The following INSR variants were observed in gnomAD, a reference collection of about 807,000 sequenced individuals.
INSR encodes insulin receptor, also known as IR.
A neutral mutation model predicts 142.6 loss-of-function variants in INSR; 67 were observed. The observed-to-expected ratio is 0.47, with a 90% CI of 0.39 to 0.58. The LOEUF is 0.58. Ranked by LOEUF, INSR falls within the 20% of genes least tolerant of loss-of-function variation. INSR has a pLI of 0.00. For missense variants in INSR, 1,248 were observed against 1,833.2 expected (o/e 0.68, Z 5.83); for synonymous variants, 756 against 743.1 (o/e 1.02, Z -0.28).
At position 7,184,644 on chromosome 19, in the gene INSR, AG is replaced by A; in HGVS notation, c.653-8del. ...TTACAGATGGTCGGGCAAACTGGAG[AG>A]AGAGAGAGAGAGAGAGGGAAATAAA... On this transcript the variant is annotated splice_region_variant and splice_polypyrimidine_tract_variant and intron_variant, in intron 2 of 21. Coordinates refer to ENST00000302850, the MANE Select transcript of INSR (RefSeq NM_000208.4). 7.5e-7 allele frequency: 1 copy of A among 1,332,166 alleles called. No individual in the cohort carries two copies. Among genetic ancestry groups the A allele is most frequent in the Non-Finnish European group, 1.0e-6 (1 of 970,496 alleles). The allele number at this position is 1,332,166 out of a possible 1,614,324, so 82.5% of individuals were successfully genotyped here. A position where few individuals can be genotyped will look rare whatever the true frequency, so the allele number is the denominator to read the frequency against.
Position 7,184,619 on chromosome 19 carries a change from T to G in INSR, c.671A>C (p.Lys224Thr), listed in dbSNP as rs1198294062. Residue 224 changes from lysine (K) to threonine (T), a missense_variant, in exon 3 of 22, where the codon AAG (lysine) becomes ACG (threonine). This residue lies in a region of INSR where 1,069 missense variants were observed against 1,654.0 expected (regional missense o/e 0.65). Coordinates refer to ENST00000302850, the MANE Select transcript of INSR (RefSeq NM_000208.4). ...HCQKVCPTIC[K>T]SHGCTAEGLC... ...GCCTTCGGCGGTGCAGCCGTGTGACTTACAGATGGTCGGGCAAACTGGAGA... is the reference window on the plus strand; with the variant it reads ...GCCTTCGGCGGTGCAGCCGTGTGACGTACAGATGGTCGGGCAAACTGGAGA... 6.2e-7 allele frequency: 1 copy of G among 1,609,420 alleles called. No individual in the cohort carries two copies. Among genetic ancestry groups the G allele is most frequent in the Non-Finnish European group, 8.5e-7 (1 of 1,179,290 alleles).
At position 7,229,760 on chromosome 19, in the gene INSR, C is replaced by CTT. The variant is rs71177180; in HGVS notation, c.652+37583_652+37584dup. ...TTACTCTGGAGGATACATTTACAGT[C>CTT]TTTTTTTTTTTTTTTTTTTTTTTGA... is the stretch of plus-strand genomic sequence containing the variant. On this transcript the variant is annotated intron_variant, in intron 2 of 21. Transcript: ENST00000302850. Among the ~76,000 whole-genome samples, 583 of 87,436 alleles carry CTT rather than the reference C, an allele frequency of 6.7e-3. 4 individuals are homozygous for CTT. Among genetic ancestry groups the CTT allele is most frequent in the African/African-American group, 9.3e-3 (202 of 21,736 alleles). 57.4% of individuals were successfully genotyped at this position (87,436 alleles called of 152,430 possible). A position where few individuals can be genotyped will look rare whatever the true frequency, so the allele number is the denominator to read the frequency against.
At chr19:7,284,845 T>C (rs1258735046) in intron 1 of INSR, among the ~76,000 whole-genome samples, 1 of 152,148 alleles carries the variant, frequency 6.6e-6, no homozygotes, top group Non-Finnish European at 1.5e-5. Flanking sequence ...TAATCCTCAG[T>C]GTGCAGATTG....
intron 13 of INSR, among the ~76,000 whole-genome samples, chr19:7,135,854 G>A (rs941662564): frequency 6.6e-6 from 1 of 151,594 alleles, no homozygotes; most frequent in Non-Finnish European, 1.5e-5. Flanking sequence ...TGTAGTCCCA[G>A]ATACTCAAGA....
chr19:7,183,761 G>A (rs1974336934), intron 3 of INSR, among the ~76,000 whole-genome samples: 1 of 152,040 alleles, frequency 6.6e-6, no homozygotes, highest in Non-Finnish European at 1.5e-5. Context: ...GCTTAGAACT[G>A]AGGTCCACAA....
At chr19:7,210,320 G>C (rs374831509) in intron 2 of INSR, among the ~76,000 whole-genome samples, 8 of 139,300 alleles carry the variant, frequency 5.7e-5, no homozygotes, top group Middle Eastern at 3.6e-3. Context: ...ACTGCAGCCT[G>C]GTCAACAGAG....
chr19:7,184,396 C>T lies in INSR; in HGVS notation c.894G>A (p.Arg298=), dbSNP rs757999365. Residue 298 remains arginine (R), a synonymous_variant, in exon 3 of 22, where the codon AGG becomes AGA. Coordinates refer to ENST00000302850, the MANE Select transcript of INSR (RefSeq NM_000208.4). ...DLHHKCKNSR[R]QGCHQYVIHN... ...GAATGACGTACTGGTGGCAGCCCTG[C>T]CTCCGCGAGTTCTTGCATTTGTGGT... 61 of 1,613,960 alleles carry T rather than the reference C, an allele frequency of 3.8e-5. No homozygotes were observed. Among genetic ancestry groups the T allele is most frequent in the Non-Finnish European group, 1.0e-5 (12 of 1,180,036 alleles).
In INSR at chr19:7,267,400, G is replaced by A. The variant is rs564869536; in HGVS notation, c.597C>T (p.Thr199=). 1.6e-5 allele frequency: 26 copies of A among 1,614,138 alleles called. No homozygotes were observed. In the African/African-American group the frequency reaches 2.7e-4, roughly 17 times the overall value. The change falls in exon 2 of 22, where the codon ACC becomes ACT. Residue 199 remains threonine, a synonymous_variant. Coordinates refer to ENST00000302850, the MANE Select transcript of INSR (RefSeq NM_000208.4). This position sits in a 1 kb window ranked among gnomAD's most constrained non-coding sequence, Gnocchi z 6.3. ...GTTCGACAAACTGCCCGTTGATGACGGTGGCGGGGCAGTTGGTCTTGCCCT... is the reference window on the plus strand; with the variant it reads ...GTTCGACAAACTGCCCGTTGATGACAGTGGCGGGGCAGTTGGTCTTGCCCT... ...TAKGKTNCPA[T]VINGQFVERC...
In INSR at chr19:7,168,044, T is replaced by C; in HGVS notation, c.1534A>G (p.Ile512Val). The change falls in exon 7 of 22, where the codon ATC becomes GTC. Residue 512 changes from isoleucine (I) to valine (V), a missense_variant. By Grantham distance (29) the Ile-to-Val change is conservative. This residue lies in a region of INSR where 1,069 missense variants were observed against 1,654.0 expected (regional missense o/e 0.65). Transcript: ENST00000302850. This position sits in a 1 kb window ranked among gnomAD's most constrained non-coding sequence, Gnocchi z 4.3. ...FSYIRTSFDK[I>V]LLRWEPYWPP... ...CAGTACGGCTCCCATCTCAGCAAGA[T>C]CTTGTCAAAAGATGTCCGAATGTAA... 1 of 1,614,038 alleles carries C rather than the reference T, an allele frequency of 6.2e-7. No individual in the cohort carries two copies. Among genetic ancestry groups the C allele is most frequent in the Non-Finnish European group, 8.5e-7 (1 of 1,179,974 alleles).
chr19:7,211,030 G>A (rs1975258998), intron 2 of INSR, among the ~76,000 whole-genome samples: 1 of 152,054 alleles, frequency 6.6e-6, no homozygotes, highest in Non-Finnish European at 1.5e-5. Context: ...ATACAATCAG[G>A]TAATTCCAGA....
Position 7,225,999 on chromosome 19 carries a change from TCTC to T in INSR, c.652+41343_652+41345del, listed in dbSNP as rs1300605890. On this transcript the variant is annotated intron_variant, in intron 2 of 21. Transcript: ENST00000302850. The surrounding 1 kb of genome is among the most constrained non-coding windows in gnomAD (Gnocchi z 4.7). ...ACCCCGTCCCGGAATGAGAAGCCCC[TCTC>T]CTCCACCACATCAAAGCCAAGATGA... Among the ~76,000 whole-genome samples the T allele has an allele frequency of 1.3e-5, 2 of 152,002 alleles. No homozygotes were observed. The highest frequency in any genetic ancestry group is 4.8e-5 in the African/African-American group (2 of 41,384).
intron 2 of INSR, among the ~76,000 whole-genome samples, chr19:7,188,001 TC>T (rs1215915030): frequency 6.6e-6 from 1 of 151,884 alleles, no homozygotes; most frequent in African/African-American, 2.4e-5. Context: ...TAAATTCTTC[TC>T]CCAGGCTGGC....
intron 2 of INSR, among the ~76,000 whole-genome samples, chr19:7,198,127 C>G (rs1404297900): frequency 1.3e-5 from 2 of 151,840 alleles, no homozygotes; most frequent in Non-Finnish European, 2.9e-5. Context: ...TCCGCCCCCT[C>G]GAGCCGGAGG....
chr19:7,198,773 A>C (rs1415662931), intron 2 of INSR, among the ~76,000 whole-genome samples: 4 of 152,116 alleles, frequency 2.6e-5, no homozygotes, highest in Non-Finnish European at 5.9e-5. Context: ...TTTTGGGGTA[A>C]CCTCCAGCCA....
At chr19:7,123,332 C>A (rs187264031) in intron 17 of INSR, among the ~76,000 whole-genome samples, 418 of 151,958 alleles carry the variant, frequency 2.8e-3, no homozygotes, top group African/African-American at 9.5e-3. Flanking sequence ...CCACACCCGG[C>A]TAATTTTTGT....
chr19:7,227,755 C>T (rs907816519), intron 2 of INSR, among the ~76,000 whole-genome samples: 2 of 152,106 alleles, frequency 1.3e-5, no homozygotes, highest in Non-Finnish European at 2.9e-5. Context: ...GGTTATGGAT[C>T]GGAAAGGCAG....
intron 9 of INSR, among the ~76,000 whole-genome samples, chr19:7,153,578 C>G (rs2144900502): frequency 6.6e-6 from 1 of 151,856 alleles, no homozygotes; most frequent in East Asian, 1.9e-4. Flanking sequence ...AAAAGCCAGA[C>G]ACTATGGTTC....
chr19:7,269,274 A>C (rs1490133671), intron 1 of INSR, among the ~76,000 whole-genome samples: 1 of 151,852 alleles, frequency 6.6e-6, no homozygotes, highest in Non-Finnish European at 1.5e-5. Context: ...AAAAAACAAT[A>C]ACAACGACAA....
chr19:7,249,457 A>C (rs966942708), intron 2 of INSR, among the ~76,000 whole-genome samples: 1 of 152,222 alleles, frequency 6.6e-6, no homozygotes, highest in Non-Finnish European at 1.5e-5. Flanking sequence ...CACTAAAAAA[A>C]GGGAGGCCCG....
Sources: allele counts gnomAD v4.1 joint callset (sites outside exome capture counted in the v4.1 genomes callset), GRCh38; gene constraint gnomAD v4.1.1; regional missense constraint gnomAD v4.1.1; non-coding constraint Gnocchi (gnomAD v3.1); transcripts MANE v1.5; gene names NCBI Gene and HGNC (gene_info 2026-07-23, HGNC 2026-07-21).